The following CTIF variants were observed in gnomAD, a reference collection of about 807,000 sequenced individuals.
CTIF encodes the protein CBP80/20-dependent translation initiation factor.
A neutral mutation model predicts 66.0 loss-of-function variants in CTIF; 21 were observed. The observed-to-expected ratio is 0.32, with a 90% CI of 0.23 to 0.46. The LOEUF (loss-of-function observed/expected upper bound fraction) is 0.46. Ranked by LOEUF, CTIF falls within the 20% of genes least tolerant of loss-of-function variation. The pLI is 1.00. For missense variants in CTIF, 739 were observed against 812.7 expected (o/e 0.91, Z 1.10); for synonymous variants, 345 against 326.4 (o/e 1.06, Z -0.62).
intron 3 of CTIF, among the ~76,000 whole-genome samples, chr18:48,644,426 G>C (rs1403824973): frequency 6.6e-6 from 1 of 152,210 alleles, no homozygotes; most frequent in East Asian, 1.9e-4. Context: ...CACTAGAAGT[G>C]TGCGCTGTGA....
At chr18:48,830,467 G>A (rs1042099862) in intron 10 of CTIF, among the ~76,000 whole-genome samples, 22 of 152,142 alleles carry the variant, frequency 1.4e-4, no homozygotes, top group South Asian at 2.1e-4. Flanking sequence ...CACCGCGCCC[G>A]GCCAGATTTG....
chr18:48,797,562 T>C (rs762833711), intron 9 of CTIF, among the ~76,000 whole-genome samples: 2 of 151,824 alleles, frequency 1.3e-5, no homozygotes, highest in Non-Finnish European at 2.9e-5. Flanking sequence ...GCTGATATTT[T>C]ACCTTGTGAG....
intron 7 of CTIF, among the ~76,000 whole-genome samples, chr18:48,735,483 A>G (rs2145701357): frequency 6.6e-6 from 1 of 152,286 alleles, no homozygotes; most frequent in African/African-American, 2.4e-5. Context: ...CAGCCGGCGC[A>G]CAGGCACGTG....
intron 9 of CTIF, among the ~76,000 whole-genome samples, chr18:48,798,357 G>A (rs888567901): frequency 6.6e-5 from 10 of 152,170 alleles, no homozygotes; most frequent in African/African-American, 7.2e-5. Context: ...TCCAGAGCCC[G>A]GGCTTTATTT....
intron 1 of CTIF, among the ~76,000 whole-genome samples, chr18:48,552,098 G>A (rs1044887802): frequency 1.3e-5 from 2 of 152,206 alleles, no homozygotes; most frequent in Non-Finnish European, 2.9e-5. Context: ...CACCGTGCCT[G>A]GCCTAATAAT....
intron 2 of CTIF, among the ~76,000 whole-genome samples, chr18:48,636,228 C>G (rs2090819657): frequency 6.6e-6 from 1 of 152,230 alleles, no homozygotes; most frequent in Admixed American, 6.5e-5. Flanking sequence ...ACTGCCATCT[C>G]TGGCCACACC....
chr18:48,772,960 A>G (rs1003558083), intron 9 of CTIF, among the ~76,000 whole-genome samples: 1 of 152,202 alleles, frequency 6.6e-6, no homozygotes, highest in Non-Finnish European at 1.5e-5. Flanking sequence ...ATGAACCAAG[A>G]GCCAAAGAAA....
chr18:48,603,138 G>GTGGA (rs143398766), intron 1 of CTIF, among the ~76,000 whole-genome samples: 19,886 of 132,776 alleles, frequency 0.15, 2,659 homozygotes, highest in African/African-American at 0.39. Flanking sequence ...TGGCTAGATA[G>GTGGA]TGGATGGATG....
At chr18:48,606,255 C>T (rs969970289) in intron 1 of CTIF, among the ~76,000 whole-genome samples, 7 of 152,334 alleles carry the variant, frequency 4.6e-5, no homozygotes, top group South Asian at 2.1e-4. Context: ...CTGGGGGCAA[C>T]GTTCAGTGAC....
intron 3 of CTIF, among the ~76,000 whole-genome samples, chr18:48,640,646 A>G (rs968104432): frequency 3.9e-5 from 6 of 152,230 alleles, no homozygotes; most frequent in Non-Finnish European, 8.8e-5. Context: ...GCACATGTCC[A>G]GGAAGGTAGA....
chr18:48,704,423 T>C (rs890885960), intron 6 of CTIF, among the ~76,000 whole-genome samples: 11 of 152,172 alleles, frequency 7.2e-5, no homozygotes, highest in African/African-American at 2.2e-4. Flanking sequence ...CAGAAAAATA[T>C]CCCTCCCAGC....
intron 10 of CTIF, among the ~76,000 whole-genome samples, chr18:48,840,224 T>C (rs1357174578): frequency 6.6e-6 from 1 of 152,134 alleles, no homozygotes; most frequent in Admixed American, 6.5e-5. Context: ...GCAGGATGCA[T>C]CCTTAGACCT....
At position 48,706,138 on chromosome 18, in the gene CTIF, C is replaced by CCTCT. The variant is rs112660643; in HGVS notation, c.508-5477_508-5474dup. Among the ~76,000 whole-genome samples the CCTCT allele has an allele frequency of 4.6e-3, 693 of 152,240 alleles. 5 individuals are homozygous for CCTCT. The highest frequency in any genetic ancestry group is 0.016 in the African/African-American group (662 of 41,540). On this transcript the variant is annotated intron_variant, in intron 6 of 11. Transcript: ENST00000256413. ...GTCTTCCCTGACCCCTCCACCCGTC[C>CCTCT]CTCTCTCATCCCCTTGCCCTGTTGT...
At chr18:48,753,515 A>T (rs1301980085) in intron 7 of CTIF, among the ~76,000 whole-genome samples, 1 of 152,164 alleles carries the variant, frequency 6.6e-6, no homozygotes, top group Non-Finnish European at 1.5e-5. Flanking sequence ...TTAGAGTAAA[A>T]CAAGACATCT....
intron 10 of CTIF, among the ~76,000 whole-genome samples, chr18:48,825,825 A>C (rs1193497016): frequency 6.6e-6 from 1 of 151,972 alleles, no homozygotes; most frequent in Non-Finnish European, 1.5e-5. Flanking sequence ...TACATTACAA[A>C]CTCTCAGACC....
chr18:48,667,297 T>C (rs1415927987), intron 5 of CTIF, among the ~76,000 whole-genome samples: 1 of 152,122 alleles, frequency 6.6e-6, no homozygotes, highest in Non-Finnish European at 1.5e-5. Context: ...TAGACAGGTA[T>C]AAAGTGTGAT....
intron 7 of CTIF, among the ~76,000 whole-genome samples, chr18:48,747,754 A>ATT (rs1568184947): frequency 1.0e-4 from 15 of 145,684 alleles, no homozygotes; most frequent in African/African-American, 2.9e-4. Context: ...CAAAAATTAA[A>ATT]AAAAAAAAAA....
chr18:48,644,518 C>T (rs907992686), intron 3 of CTIF, among the ~76,000 whole-genome samples: 32 of 152,206 alleles, frequency 2.1e-4, no homozygotes, highest in Non-Finnish European at 2.8e-4. Context: ...TCAGAAAATG[C>T]CATCTGTCCT....
At chr18:48,853,859 G>A (rs1371172994) in intron 10 of CTIF, among the ~76,000 whole-genome samples, 3 of 152,170 alleles carry the variant, frequency 2.0e-5, no homozygotes, top group Non-Finnish European at 4.4e-5. Context: ...CAGATTTTGA[G>A]CCAGCAACAT....
Sources: allele counts gnomAD v4.1 joint callset (sites outside exome capture counted in the v4.1 genomes callset), GRCh38; gene constraint gnomAD v4.1.1; transcripts MANE v1.5; gene names NCBI Gene and HGNC (gene_info 2026-07-23, HGNC 2026-07-21).